The following ABTB3 variants were observed in gnomAD, a reference collection of about 807,000 sequenced individuals.
ABTB3 encodes the protein ankyrin repeat- and BTB/POZ domain-containing protein 3.
the ABTB3 span, among the ~76,000 whole-genome samples, chr12:107,490,511 G>C: frequency 1.3e-5 from 2 of 152,134 alleles, no homozygotes; most frequent in South Asian, 2.1e-4. Context: ...GGTGGGGAGA[G>C]AGGGATGTGG....
At chr12:107,385,226 G>A in the ABTB3 span, among the ~76,000 whole-genome samples, 6 of 152,218 alleles carry the variant, frequency 3.9e-5, no homozygotes, top group African/African-American at 1.2e-4. Flanking sequence ...AGACAGACAC[G>A]AACAGGCTCT....
chr12:107,500,155 A>G, the ABTB3 span, among the ~76,000 whole-genome samples: 1 of 152,140 alleles, frequency 6.6e-6, no homozygotes, highest in Non-Finnish European at 1.5e-5. Context: ...AAACCATATC[A>G]CCCTGGTAGG....
the ABTB3 span, among the ~76,000 whole-genome samples, chr12:107,518,185 T>C: frequency 1.3e-5 from 2 of 152,130 alleles, no homozygotes; most frequent in African/African-American, 2.4e-5. Context: ...AGTTCAACCA[T>C]TGTGGAAGAC....
the ABTB3 span, among the ~76,000 whole-genome samples, chr12:107,563,627 A>G: frequency 2.6e-5 from 4 of 151,626 alleles, no homozygotes; most frequent in South Asian, 2.1e-4. Flanking sequence ...ACAGAGTCCT[A>G]TGGAGGAAGA....
At chr12:107,458,657 G>C in the ABTB3 span, among the ~76,000 whole-genome samples, 1 of 152,148 alleles carries the variant, frequency 6.6e-6, no homozygotes. Flanking sequence ...AGGTAGGGGA[G>C]AGCCAGGACT....
At chr12:107,399,122 G>A in the ABTB3 span, among the ~76,000 whole-genome samples, 1,492 of 152,280 alleles carry the variant, frequency 9.8e-3, 9 homozygotes, top group African/African-American at 0.014. Context: ...GTGGACCACC[G>A]TGTCTTTGAA....
chr12:107,425,664 G>A, the ABTB3 span, among the ~76,000 whole-genome samples: 1 of 152,080 alleles, frequency 6.6e-6, no homozygotes, highest in Non-Finnish European at 1.5e-5. Flanking sequence ...TTTAATGGTG[G>A]CCCCATGCCT....
chr12:107,457,681 A>T, the ABTB3 span, among the ~76,000 whole-genome samples: 2 of 152,212 alleles, frequency 1.3e-5, no homozygotes, highest in Non-Finnish European at 2.9e-5. Flanking sequence ...TCAGCTTGAT[A>T]AAAAGCAGCA....
At chr12:107,645,979 G>A in the ABTB3 span, among the ~76,000 whole-genome samples, 2 of 152,240 alleles carry the variant, frequency 1.3e-5, no homozygotes, top group African/African-American at 4.8e-5. Flanking sequence ...CGACCCAGCA[G>A]GAGGCTCCCA....
the ABTB3 span, among the ~76,000 whole-genome samples, chr12:107,521,047 G>A: frequency 3.3e-5 from 5 of 152,314 alleles, no homozygotes; most frequent in African/African-American, 7.2e-5. Flanking sequence ...AGGCCTTGCC[G>A]TGAGAATGTG....
At chr12:107,656,081 G>T in the ABTB3 span, among the ~76,000 whole-genome samples, 4 of 151,308 alleles carry the variant, frequency 2.6e-5, no homozygotes, top group East Asian at 7.8e-4. Context: ...TGAAGCCAGG[G>T]GTTTGAGACC....
chr12:107,632,984 C>T, the ABTB3 span, among the ~76,000 whole-genome samples: 626 of 152,304 alleles, frequency 4.1e-3, 2 homozygotes, highest in African/African-American at 0.014. Flanking sequence ...TTGTTCTCCC[C>T]CCTCCCGTCT....
At chr12:107,474,112 G>T in the ABTB3 span, among the ~76,000 whole-genome samples, 1 of 152,244 alleles carries the variant, frequency 6.6e-6, no homozygotes, top group African/African-American at 2.4e-5. Context: ...GGGCTGCCAT[G>T]TATTGTGCTG....
chr12:107,336,128 A>G, the ABTB3 span, among the ~76,000 whole-genome samples: 1 of 152,184 alleles, frequency 6.6e-6, no homozygotes, highest in Non-Finnish European at 1.5e-5. Flanking sequence ...TCTCTGAACC[A>G]AAAATAGCCT....
At chr12:107,375,702 GTC>G in the ABTB3 span, among the ~76,000 whole-genome samples, 1 of 152,120 alleles carries the variant, frequency 6.6e-6, no homozygotes, top group African/African-American at 2.4e-5. Context: ...GGGCCAGATG[GTC>G]TCTGAGGTTC....
the ABTB3 span, among the ~76,000 whole-genome samples, chr12:107,366,809 C>A: frequency 1.3e-5 from 2 of 152,184 alleles, no homozygotes; most frequent in Non-Finnish European, 2.9e-5. Context: ...CTCCTTGCAT[C>A]TGAGTTACTG....
chr12:107,414,434 A>C, the ABTB3 span, among the ~76,000 whole-genome samples: 1 of 152,092 alleles, frequency 6.6e-6, no homozygotes, highest in Non-Finnish European at 1.5e-5. Flanking sequence ...CTGATGTCTA[A>C]ATTTTTACCC....
the ABTB3 span, chr12:107,581,024 A>C: frequency 7.6e-5 from 118 of 1,551,790 alleles, no homozygotes; most frequent in Non-Finnish European, 9.8e-5. Flanking sequence ...TCTCCAGGGA[A>C]AGCGGGGTGT....
the ABTB3 span, among the ~76,000 whole-genome samples, chr12:107,555,142 C>A: frequency 6.6e-6 from 1 of 152,180 alleles, no homozygotes; most frequent in African/African-American, 2.4e-5. Flanking sequence ...TCATCCTTAG[C>A]CTAACAAGGC....
Sources: gnomAD v4.1 joint callset for allele counts (sites outside exome capture counted in the v4.1 genomes callset) on GRCh38, gnomAD v4.1.1 for gene constraint, MANE v1.5 for transcripts, NCBI Gene and HGNC (gene_info 2026-07-23, HGNC 2026-07-21) for gene names.